PGF: variants seen among roughly 807,000 people sequenced by gnomAD.
PGF encodes the protein placental growth factor.
Under a neutral mutation model 25.3 loss-of-function variants are expected in PGF, and 11 were observed. That is an observed-to-expected ratio of 0.43 (90% CI 0.27 to 0.72). The LOEUF (loss-of-function observed/expected upper bound fraction) is 0.72, where lower values mean the gene tolerates loss of function less well. Ranked by LOEUF, PGF falls within the 30% of genes least tolerant of loss-of-function variation. PGF has a pLI of 0.18. For missense variants in PGF, 230 were observed against 234.9 expected, an observed-to-expected ratio of 0.98 and a Z score of 0.14; for synonymous variants, 105 against 97.9, an observed-to-expected ratio of 1.07 and a Z score of -0.43.
At chr14:74,948,774 C>T (rs1250663539) in intron 3 of PGF, among the ~76,000 whole-genome samples, 191 bp from the exon 4 acceptor site, 3 of 152,186 alleles carry the variant, frequency 2.0e-5, no homozygotes, top group Non-Finnish European at 4.4e-5. Flanking sequence ...GGCCCCTGTC[C>T]CTCCCTGCCC....
chr14:74,946,675 C>A, intron 4 of PGF: 5 of 666,922 alleles, frequency 7.5e-6, no homozygotes, highest in South Asian at 4.9e-5. Context: ...CACTTCTCAG[C>A]CTCTTGGCAT....
chr14:74,955,083 G>C lies in PGF; in HGVS notation c.75+85C>G, dbSNP rs1888955512. 1 of 670,234 alleles carries C rather than the reference G, an allele frequency of 1.5e-6. No homozygotes were observed. The highest frequency in any genetic ancestry group is 3.9e-5 in the Admixed American group (1 of 25,554). The allele number at this position is 670,234 out of a possible 1,614,324, so 41.5% of individuals were successfully genotyped here. A position where few individuals can be genotyped will look rare whatever the true frequency, so the allele number is the denominator to read the frequency against. On this transcript the variant is annotated intron_variant, in intron 1 of 6. Transcript: ENST00000555567. The surrounding 1 kb of genome is among the most constrained non-coding windows in gnomAD (Gnocchi z 4.1). ...ATCCTTGGAGTTGCTGCTCCCTGGA[G>C]TGGGTCTGTGATTTCAGAGTCCCAT...
intron 1 of PGF, among the ~76,000 whole-genome samples, chr14:74,954,708 C>A (rs976088850): frequency 6.6e-6 from 1 of 152,070 alleles, no homozygotes; most frequent in Non-Finnish European, 1.5e-5. Context: ...GAGCCCACGG[C>A]TCAGTCCTGA....
chr14:74,947,406 C>G (rs562220852), intron 4 of PGF: 1 of 153,844 alleles, frequency 6.5e-6, no homozygotes, highest in East Asian at 1.9e-4. Context: ...ATAGCCCTGC[C>G]CAGGAGGCAA....
chr14:74,946,134 C>T (rs987127432), intron 6 of PGF, 79 bp downstream of exon 6: 4 of 1,375,296 alleles, frequency 2.9e-6, no homozygotes, highest in Admixed American at 3.4e-5. Flanking sequence ...TCTCCCCCTC[C>T]CCAACCTAAC....
At chr14:74,947,216 C>A in intron 4 of PGF, 1 of 325,104 alleles carries the variant, frequency 3.1e-6, no homozygotes, top group Non-Finnish European at 5.6e-6. Context: ...CATCTGCCTG[C>A]CCCAAAAGAG....
At chr14:74,945,879 T>G (rs1425361577) in intron 6 of PGF, 2 of 332,298 alleles carry the variant, frequency 6.0e-6, no homozygotes, top group Admixed American at 8.0e-5. Flanking sequence ...CTCACAGATG[T>G]ACCTGACACA....
At chr14:74,951,952 G>A (rs1343732476) in intron 2 of PGF, among the ~76,000 whole-genome samples, 1 of 152,188 alleles carries the variant, frequency 6.6e-6, no homozygotes, top group African/African-American at 2.4e-5. Context: ...CCTCAGGAAA[G>A]AGCTCTGCTC....
chr14:74,944,385 A>C (rs1888678205), intron 6 of PGF, among the ~76,000 whole-genome samples: 1 of 152,022 alleles, frequency 6.6e-6, no homozygotes, highest in Non-Finnish European at 1.5e-5. Context: ...TACAGGTGTG[A>C]GCCACCGCGC....
At chr14:74,943,236 A>G (rs778034207) in intron 6 of PGF, among the ~76,000 whole-genome samples, 2 of 152,202 alleles carry the variant, frequency 1.3e-5, no homozygotes, top group Non-Finnish European at 2.9e-5. Context: ...TTGCCTTAAA[A>G]TTATTTTTGT....
At chr14:74,943,194 A>G (rs1888644351) in intron 6 of PGF, among the ~76,000 whole-genome samples, 2 of 152,338 alleles carry the variant, frequency 1.3e-5, no homozygotes, top group South Asian at 4.1e-4. Context: ...TGACGGTTTT[A>G]AAGAAATCCA....
intron 4 of PGF, chr14:74,947,677 G>C (rs1888771916): frequency 6.6e-6 from 1 of 152,258 alleles, no homozygotes; most frequent in Admixed American, 6.5e-5. Context: ...CATGTGGTAG[G>C]TGCTCAATAA....
chr14:74,951,231 G>A (rs61757891), intron 2 of PGF, among the ~76,000 whole-genome samples: 2 of 152,082 alleles, frequency 1.3e-5, no homozygotes, highest in South Asian at 4.1e-4. Context: ...GGCTGGTGGT[G>A]GGGGGAATCC....
At chr14:74,943,875 C>A (rs1888656417) in intron 6 of PGF, among the ~76,000 whole-genome samples, 2 of 152,002 alleles carry the variant, frequency 1.3e-5, no homozygotes, top group Non-Finnish European at 2.9e-5. Context: ...GGTTTATGCT[C>A]ACAGGAAATT....
At chr14:74,943,880 G>A (rs1888656687) in intron 6 of PGF, among the ~76,000 whole-genome samples, 1 of 152,136 alleles carries the variant, frequency 6.6e-6, no homozygotes, top group African/African-American at 2.4e-5. Context: ...ATGCTCACAG[G>A]AAATTTAAAA....
chr14:74,953,741 GGGAT>G lies in PGF; in HGVS notation c.118+159_118+162del. Among the ~76,000 whole-genome samples, 1 of 152,286 alleles carries G rather than the reference GGGAT, an allele frequency of 6.6e-6. No homozygotes were observed. The highest frequency in any genetic ancestry group is 2.1e-4 in the South Asian group (1 of 4,822). Reference sequence around the variant, plus strand: ...TCTCTAGTCTCTGGGTCACCATGAGGGGATCTCTTAGGCCCTGCCAAAGTCATCA... The same window carrying G: ...TCTCTAGTCTCTGGGTCACCATGAGGCTCTTAGGCCCTGCCAAAGTCATCA... On this transcript the variant is annotated intron_variant, in intron 2 of 6. Coordinates refer to ENST00000555567, the MANE Select transcript of PGF (RefSeq NM_002632.6). The surrounding 1 kb of genome is among the most constrained non-coding windows in gnomAD (Gnocchi z 5.4).
At chr14:74,952,991 C>G (rs1888905956) in intron 2 of PGF, among the ~76,000 whole-genome samples, 1 of 152,190 alleles carries the variant, frequency 6.6e-6, no homozygotes, top group Non-Finnish European at 1.5e-5. Flanking sequence ...TCCCAAGGAG[C>G]ATAATGTTGT....
At position 74,946,210 on chromosome 14, in the gene PGF, C is replaced by G. The variant is rs1464547123; in HGVS notation, c.485+3G>C. The G allele has an allele frequency of 6.2e-7, 1 of 1,613,886 alleles. No homozygotes were observed. Among genetic ancestry groups the G allele is most frequent in the Non-Finnish European group, 8.5e-7 (1 of 1,179,832 alleles). On this transcript the variant is annotated splice_donor_region_variant and intron_variant, in intron 6 of 6. Coordinates refer to ENST00000555567, the MANE Select transcript of PGF (RefSeq NM_002632.6). ...CGCCATCCCTGGGACCCCGCACACTCACAGGTGGCAGTCTGTGGGTCTCTG... is the reference window on the plus strand; with the variant it reads ...CGCCATCCCTGGGACCCCGCACACTGACAGGTGGCAGTCTGTGGGTCTCTG...
At chr14:74,954,808 G>T (rs1236356401) in intron 1 of PGF, among the ~76,000 whole-genome samples, 1 of 152,160 alleles carries the variant, frequency 6.6e-6, no homozygotes, top group Non-Finnish European at 1.5e-5. Context: ...AGAGGTCCTG[G>T]GGACGCCTGG....
Sources: gnomAD v4.1 joint callset for allele counts (sites outside exome capture counted in the v4.1 genomes callset) on GRCh38, gnomAD v4.1.1 for gene constraint, Gnocchi (gnomAD v3.1) non-coding constraint, MANE v1.5 for transcripts, NCBI Gene and HGNC (gene_info 2026-07-23, HGNC 2026-07-21) for gene names.